The following MBOAT1 variants were observed in gnomAD, a reference collection of about 807,000 sequenced individuals.
MBOAT1 encodes membrane bound glycerophospholipid O-acyltransferase 1.
Under a neutral mutation model 64.4 loss-of-function variants are expected in MBOAT1, and 67 were observed. The observed-to-expected ratio is 1.04, with a 90% CI of 0.85 to 1.27. MBOAT1 has a LOEUF of 1.27. Ranked by LOEUF, MBOAT1 falls within the 50% of genes most tolerant of loss-of-function variation. The probability of loss-of-function intolerance (pLI) is 0.00; values close to 1 mark genes in which losing one functional copy is unlikely to be tolerated. For synonymous variants in MBOAT1, 229 were observed against 218.9 expected (o/e 1.05, Z -0.41); for missense variants, 563 against 604.6 (o/e 0.93, Z 0.72).
intron 1 of MBOAT1, among the ~76,000 whole-genome samples, chr6:20,194,497 C>T (rs963116127): frequency 1.3e-5 from 2 of 152,168 alleles, no homozygotes; most frequent in Non-Finnish European, 2.9e-5. Context: ...CGAGATTTCT[C>T]TGATGTTTTT....
chr6:20,181,962 T>C (rs1762523270), intron 1 of MBOAT1, among the ~76,000 whole-genome samples: 1 of 152,176 alleles, frequency 6.6e-6, no homozygotes, highest in African/African-American at 2.4e-5. Flanking sequence ...TCGGAACAAT[T>C]ATGGTTTAAA....
chr6:20,117,408 C>T (rs1760358097), intron 9 of MBOAT1, among the ~76,000 whole-genome samples: 1 of 152,052 alleles, frequency 6.6e-6, no homozygotes, highest in African/African-American at 2.4e-5. Context: ...GCTTGTCTGC[C>T]TTTTGAAGTA....
intron 1 of MBOAT1, among the ~76,000 whole-genome samples, chr6:20,172,258 C>T (rs774649354): frequency 6.6e-6 from 1 of 152,006 alleles, no homozygotes; most frequent in Non-Finnish European, 1.5e-5. Context: ...CATGGCAAAA[C>T]CCCATCTCTA....
chr6:20,118,502 C>T lies in MBOAT1; in HGVS notation c.946G>A (p.Gly316Arg), dbSNP rs199705606. The T allele has an allele frequency of 4.5e-5, 73 of 1,613,888 alleles. No homozygotes were observed. Among genetic ancestry groups the T allele is most frequent in the African/African-American group, 1.5e-4 (11 of 74,924 alleles). ...CAGAAATTCCCATTCTTATCCACTC[C>T]GCTGAACCCAAAGCCAGCTGCGTTA... ...VNNAAGFGFS[G>R]VDKNGNFCWD... is the part of the protein sequence containing the mutation. The change falls in exon 9 of 13, where the codon GGA becomes AGA. Residue 316 changes from glycine (G) to arginine (R), a missense_variant. By Grantham distance (125) the Gly-to-Arg change is moderately radical (BLOSUM62 -2). Coordinates refer to ENST00000324607, the MANE Select transcript of MBOAT1 (RefSeq NM_001080480.3).
At chr6:20,170,649 A>C (rs1762162717) in intron 1 of MBOAT1, among the ~76,000 whole-genome samples, 1 of 152,012 alleles carries the variant, frequency 6.6e-6, no homozygotes, top group South Asian at 2.1e-4. Flanking sequence ...CCTCCCCCTT[A>C]GTCCTTCTGA....
intron 1 of MBOAT1, among the ~76,000 whole-genome samples, chr6:20,198,194 C>T (rs1369067556): frequency 6.8e-6 from 1 of 147,624 alleles, no homozygotes; most frequent in Non-Finnish European, 1.5e-5. Context: ...TGCCACTGCA[C>T]TCCATCCTGG....
In MBOAT1 at chr6:20,126,574, C is replaced by T; in HGVS notation, c.657G>A (p.Leu219=). The T allele has an allele frequency of 6.2e-7, 1 of 1,613,622 alleles. No homozygotes were observed. The highest frequency in any genetic ancestry group is 2.2e-5 in the East Asian group (1 of 44,872). The change falls in exon 7 of 13, where the codon TTG becomes TTA. Residue 219 remains leucine (L), a synonymous_variant. Coordinates refer to ENST00000324607, the MANE Select transcript of MBOAT1 (RefSeq NM_001080480.3). ...FIEGKHIHMK[L]LEVNWKRKGF... is the part of the protein sequence containing the mutation. ...CTTTTCGCTTCCAGTTCACCTCCAG[C>T]AACTTCATGTGTATATGCTTCCCCT... is the stretch of plus-strand genomic sequence containing the variant.
chr6:20,201,458 A>C (rs895741452), intron 1 of MBOAT1, among the ~76,000 whole-genome samples: 3 of 152,174 alleles, frequency 2.0e-5, no homozygotes, highest in African/African-American at 7.2e-5. Context: ...ATGCAACTAA[A>C]CCATGGAAAT....
intron 5 of MBOAT1, among the ~76,000 whole-genome samples, chr6:20,130,510 C>T (rs908387059): frequency 9.9e-5 from 15 of 152,044 alleles, no homozygotes; most frequent in Admixed American, 3.3e-4. Flanking sequence ...TGTGCCACCA[C>T]GCCTAGCTAA....
intron 4 of MBOAT1, among the ~76,000 whole-genome samples, chr6:20,135,982 G>C (rs1760979234): frequency 6.6e-6 from 1 of 152,162 alleles, no homozygotes; most frequent in Non-Finnish European, 1.5e-5. Context: ...GACAGAGAAA[G>C]CTCAAGCAGC....
At chr6:20,152,045 G>A (rs1004992807) in intron 2 of MBOAT1, among the ~76,000 whole-genome samples, 5 of 152,150 alleles carry the variant, frequency 3.3e-5, no homozygotes, top group Admixed American at 2.6e-4. Flanking sequence ...AATGGGCTGG[G>A]GATGGTGGCT....
chr6:20,212,260 C>G lies in MBOAT1; in HGVS notation c.-26G>C. On this transcript the variant is annotated 5_prime_UTR_variant, in exon 1 of 13. Coordinates refer to ENST00000324607, the MANE Select transcript of MBOAT1 (RefSeq NM_001080480.3). ...CCTGCATCTTCGGGAGGTGGCTGCC[C>G]CTGTCCCAGCCCGCAACACCCCCTG... 1.3e-6 allele frequency: 2 copies of G among 1,596,470 alleles called. No homozygotes were observed. The highest frequency in any genetic ancestry group is 1.7e-6 in the Non-Finnish European group (2 of 1,171,834).
At chr6:20,169,070 G>A (rs1762117913) in intron 1 of MBOAT1, among the ~76,000 whole-genome samples, 1 of 151,992 alleles carries the variant, frequency 6.6e-6, no homozygotes, top group South Asian at 2.1e-4. Context: ...GGTGGACTTA[G>A]GTAAAAACTT....
intron 1 of MBOAT1, among the ~76,000 whole-genome samples, chr6:20,154,984 A>G (rs1761634685): frequency 6.6e-6 from 1 of 152,236 alleles, no homozygotes; most frequent in African/African-American, 2.4e-5. Flanking sequence ...AAAAGTTATA[A>G]TAAGTGACAG....
At chr6:20,116,969 TA>T (rs1760339425) in intron 9 of MBOAT1, among the ~76,000 whole-genome samples, 1 of 152,162 alleles carries the variant, frequency 6.6e-6, no homozygotes, top group Non-Finnish European at 1.5e-5. Context: ...GGGAAAGTCA[TA>T]ACACACTTGA....
chr6:20,141,359 C>CTTTTTTTTTTTT (rs755615744), intron 4 of MBOAT1, among the ~76,000 whole-genome samples: 17 of 99,814 alleles, frequency 1.7e-4, no homozygotes, highest in African/African-American at 3.9e-4. Flanking sequence ...TTTTCTTTTT[C>CTTTTTTTTTTTT]TTTTTTTTTT....
At chr6:20,179,329 A>G (rs144744437) in intron 1 of MBOAT1, among the ~76,000 whole-genome samples, 1 of 152,154 alleles carries the variant, frequency 6.6e-6, no homozygotes. Context: ...ATTAAGCCCC[A>G]TTGTGTGCTG....
At chr6:20,170,434 A>G (rs1432518959) in intron 1 of MBOAT1, among the ~76,000 whole-genome samples, 1 of 152,178 alleles carries the variant, frequency 6.6e-6, no homozygotes. Flanking sequence ...GGGTTGTTCA[A>G]CAAGCCAGCT....
rs114502126 is a variant in MBOAT1, at chr6:20,129,367, A to G, written c.476-614T>C. 9.9e-3 allele frequency among the ~76,000 whole-genome samples: 1,510 copies of G among 152,342 alleles called. 23 individuals are homozygous for G. Among genetic ancestry groups the G allele is most frequent in the African/African-American group, 0.034 (1,433 of 41,572 alleles). On this transcript the variant is annotated intron_variant, in intron 5 of 12. Transcript: ENST00000324607. Reference sequence around the variant, plus strand: ...AAAAACTCCCAACCAAGTCACATCCATGCTTTCTGTGAAATGTACACACTA... The same window carrying G: ...AAAAACTCCCAACCAAGTCACATCCGTGCTTTCTGTGAAATGTACACACTA...
Sources: allele counts gnomAD v4.1 joint callset (sites outside exome capture counted in the v4.1 genomes callset), GRCh38; gene constraint gnomAD v4.1.1; transcripts MANE v1.5; gene names NCBI Gene and HGNC (gene_info 2026-07-23, HGNC 2026-07-21).